The following RBFOX1 variants were observed in gnomAD, a reference collection of about 807,000 sequenced individuals.
The protein encoded by RBFOX1 is RNA binding protein fox-1 homolog 1.
Under a neutral mutation model 57.7 loss-of-function variants are expected in RBFOX1, and 8 were observed. The ratio of observed to expected loss-of-function variants is 0.14; its 90% CI spans 0.08 to 0.25. The LOEUF (loss-of-function observed/expected upper bound fraction) is 0.25. Ranked by LOEUF, RBFOX1 falls within the 10% of genes least tolerant of loss-of-function variation. The pLI is 1.00. For missense variants in RBFOX1, 611 were observed against 548.5 expected, an observed-to-expected ratio of 1.11 and a Z score of -1.14; for synonymous variants, 326 against 222.4, an observed-to-expected ratio of 1.47 and a Z score of -4.15.
intron 2 of RBFOX1, among the ~76,000 whole-genome samples, chr16:6,452,202 T>C (rs1212327997): frequency 1.6e-5 from 2 of 121,922 alleles, no homozygotes; most frequent in African/African-American, 3.2e-5. Flanking sequence ...ACCCATGGCT[T>C]CTTCCTTCCA....
At chr16:6,520,013 A>G (rs534500355) in intron 2 of RBFOX1, among the ~76,000 whole-genome samples, 1 of 152,164 alleles carries the variant, frequency 6.6e-6, no homozygotes, top group African/African-American at 2.4e-5. Flanking sequence ...GAGAGACACA[A>G]AAACATTGAG....
At chr16:5,918,369 C>T (rs532465208) in intron 4 of RBFOX1, among the ~76,000 whole-genome samples, 1 of 152,234 alleles carries the variant, frequency 6.6e-6, no homozygotes, top group Non-Finnish European at 1.5e-5. Flanking sequence ...ATCCACTCGC[C>T]TTCGCCTCCC....
At chr16:6,748,347 ATATG>A (rs957120081) in intron 3 of RBFOX1, among the ~76,000 whole-genome samples, 1 of 152,072 alleles carries the variant, frequency 6.6e-6, no homozygotes, top group African/African-American at 2.4e-5. Flanking sequence ...AACTATATAC[ATATG>A]TATGTATGTA....
rs571491367 is a variant in RBFOX1 at position 7,591,773 on chromosome 16, G to A, written c.469-3776G>A. The stretch of plus-strand genomic sequence containing the variant: ...TTGCCGAGCAAGCCAAGCTCAGAAT[G>A]TGCTTGTTTTGTTCTCCTTTTTAAG... On this transcript the variant is annotated intron_variant, in intron 7 of 15. Transcript: ENST00000550418. Among the ~76,000 whole-genome samples the A allele has an allele frequency of 3.3e-5, 5 of 152,318 alleles. No individual in the cohort carries two copies. The East Asian group carries it at 9.6e-4, about 29-fold the overall frequency.
chr16:5,775,370 G>C (rs992968102), intron 3 of RBFOX1, among the ~76,000 whole-genome samples: 1 of 152,158 alleles, frequency 6.6e-6, no homozygotes, highest in Admixed American at 6.5e-5. Context: ...TCTTATAGTG[G>C]AGAAGGCAGG....
chr16:6,138,693 C>T (rs1014486391), intron 1 of RBFOX1, among the ~76,000 whole-genome samples: 11 of 152,164 alleles, frequency 7.2e-5, no homozygotes, highest in African/African-American at 2.6e-4. Flanking sequence ...TGGTGAAACC[C>T]CGTCTCTACT....
At chr16:7,108,218 G>C (rs574562747) in intron 4 of RBFOX1, among the ~76,000 whole-genome samples, 5 of 152,280 alleles carry the variant, frequency 3.3e-5, no homozygotes, top group East Asian at 3.9e-4. Context: ...ATGAGCATCA[G>C]CTCTGGAATC....
intron 4 of RBFOX1, among the ~76,000 whole-genome samples, chr16:7,291,008 G>A (rs1156866285): frequency 6.6e-6 from 1 of 152,122 alleles, no homozygotes; most frequent in Non-Finnish European, 1.5e-5. Context: ...ATTTAACTAG[G>A]CACTGGGCAT....
intron 1 of RBFOX1, among the ~76,000 whole-genome samples, chr16:6,090,717 G>A (rs968990010): frequency 1.3e-5 from 2 of 152,246 alleles, no homozygotes; most frequent in South Asian, 4.1e-4. Context: ...TCTCTAATTA[G>A]CTCCAGGGCC....
chr16:6,841,137 C>G (rs1264156816), intron 3 of RBFOX1, among the ~76,000 whole-genome samples: 2 of 151,916 alleles, frequency 1.3e-5, no homozygotes, highest in Non-Finnish European at 2.9e-5. Flanking sequence ...TCCTTGTACA[C>G]TCTGGATATT....
intron 4 of RBFOX1, among the ~76,000 whole-genome samples, chr16:7,096,745 A>T (rs776431175): frequency 6.6e-6 from 1 of 152,006 alleles, no homozygotes; most frequent in Non-Finnish European, 1.5e-5. Flanking sequence ...CAGCCTGGCT[A>T]ACATGGTGAA....
intron 1 of RBFOX1, among the ~76,000 whole-genome samples, chr16:6,056,418 C>T (rs1382507468): frequency 6.6e-6 from 1 of 152,162 alleles, no homozygotes; most frequent in African/African-American, 2.4e-5. Flanking sequence ...TGTCTCCTCC[C>T]TTTCTTCCCC....
intron 4 of RBFOX1, among the ~76,000 whole-genome samples, chr16:7,238,940 G>T (rs188458712): frequency 1.1e-4 from 16 of 152,228 alleles, no homozygotes; most frequent in Admixed American, 6.5e-4. Context: ...AGAGCCTCCA[G>T]TTTCATCCAT....
chr16:7,225,759 TG>T (rs1567788406), intron 4 of RBFOX1, among the ~76,000 whole-genome samples: 2 of 71,796 alleles, frequency 2.8e-5, no homozygotes, highest in East Asian at 4.7e-4. Flanking sequence ...CATTTGGGGG[TG>T]GGGGGAGGGG....
At chr16:6,473,935 A>C (rs1429216097) in intron 2 of RBFOX1, among the ~76,000 whole-genome samples, 2 of 152,162 alleles carry the variant, frequency 1.3e-5, no homozygotes, top group African/African-American at 2.4e-5. Context: ...ATTGTTTCTG[A>C]GCCAGTGGAT....
At chr16:6,071,504 C>A (rs576926047) in intron 1 of RBFOX1, among the ~76,000 whole-genome samples, 1 of 151,076 alleles carries the variant, frequency 6.6e-6, no homozygotes, top group South Asian at 2.1e-4. Flanking sequence ...AACAAACCTG[C>A]ATGTGTAGTC....
At chr16:6,684,072 T>C (rs2059069856) in intron 3 of RBFOX1, among the ~76,000 whole-genome samples, 1 of 152,190 alleles carries the variant, frequency 6.6e-6, no homozygotes, top group African/African-American at 2.4e-5. Context: ...TGCATCTCAT[T>C]TGTGTGTACA....
At chr16:5,702,425 C>T (rs542431573) in intron 3 of RBFOX1, among the ~76,000 whole-genome samples, 35 of 152,288 alleles carry the variant, frequency 2.3e-4, no homozygotes, top group African/African-American at 5.5e-4. Context: ...TCCTTCAATT[C>T]GACATGAGAT....
At chr16:6,688,555 A>G (rs2059771460) in intron 3 of RBFOX1, among the ~76,000 whole-genome samples, 1 of 152,200 alleles carries the variant, frequency 6.6e-6, no homozygotes. Context: ...CGTAGTGGGG[A>G]CAATAGGAGT....
Sources: gnomAD v4.1 joint callset for allele counts (sites outside exome capture counted in the v4.1 genomes callset) on GRCh38, gnomAD v4.1.1 for gene constraint, MANE v1.5 for transcripts, NCBI Gene and HGNC (gene_info 2026-07-23, HGNC 2026-07-21) for gene names.